The following GLI3 variants were observed in gnomAD, a reference collection of about 807,000 sequenced individuals.
The protein encoded by GLI3 is transcription activator GLI3.
Under a neutral mutation model 100.8 loss-of-function variants are expected in GLI3, and 20 were observed. The observed-to-expected ratio is 0.20, with a 90% CI of 0.14 to 0.29. The LOEUF is 0.29. Among genes scored for constraint, GLI3 ranks in the 10% least tolerant of loss-of-function variants. GLI3 has a pLI of 1.00. For missense variants in GLI3, 2,040 were observed against 2,128.5 expected (o/e 0.96, Z 0.82); for synonymous variants, 938 against 860.5 (o/e 1.09, Z -1.58).
chr7:42,024,518 A>T (rs747887122), intron 9 of GLI3, among the ~76,000 whole-genome samples: 1 of 152,220 alleles, frequency 6.6e-6, no homozygotes, highest in Non-Finnish European at 1.5e-5. Flanking sequence ...AAGCAGCCTG[A>T]TGACAGCAAG....
At position 42,230,110 on chromosome 7, in the gene GLI3, G is replaced by T. The variant is rs946369797; in HGVS notation, c.-42-6815C>A. 7.7e-5 allele frequency among the ~76,000 whole-genome samples: 7 copies of T among 90,606 alleles called. 1 individual carries two copies. Among genetic ancestry groups the T allele is most frequent in the South Asian group, 1.0e-3 (2 of 1,960 alleles). The allele number at this position is 90,606 out of a possible 152,430, so 59.4% of individuals were successfully genotyped here. A position where few individuals can be genotyped will look rare whatever the true frequency, so the allele number is the denominator to read the frequency against. ...TGCAAGGGTTGGGCGGGGGGGGGGG[G>T]GGTGGAAAGCCCAACTTCATAAGTT... On this transcript the variant is annotated intron_variant, in intron 1 of 14. Transcript: ENST00000395925.
At chr7:42,093,059 CT>C (rs1785260764) in intron 3 of GLI3, among the ~76,000 whole-genome samples, 1 of 152,046 alleles carries the variant, frequency 6.6e-6, no homozygotes, top group Non-Finnish European at 1.5e-5. Context: ...GGTGATCCAC[CT>C]GCCTCGGCCT....
intron 10 of GLI3, among the ~76,000 whole-genome samples, chr7:42,009,546 A>G (rs1583785229): frequency 7.3e-6 from 1 of 136,880 alleles, no homozygotes; most frequent in East Asian, 2.1e-4. Context: ...TGCCATTTGT[A>G]AGGAATTGCA....
chr7:42,190,582 G>A (rs755344446), intron 2 of GLI3, among the ~76,000 whole-genome samples: 3 of 152,130 alleles, frequency 2.0e-5, no homozygotes, highest in Non-Finnish European at 2.9e-5. Flanking sequence ...CCCTGGTAGC[G>A]TTGTGTGTGA....
chr7:41,966,597 G>A lies in GLI3; in HGVS notation c.2476C>T (p.Leu826Phe), dbSNP rs371207484. The part of the protein sequence containing the change: ...NTCSLGGPMT[L>F]LPGRSDLSGV... ...GAGAGGTCGCTTCTGCCCGGGAGAA[G>A]CGTCATGGGCCCACCCAAGCTGCAG... Residue 826 changes from leucine to phenylalanine, a missense_variant, in exon 15 of 15, where the codon CTT (leucine) becomes TTT (phenylalanine). By Grantham distance (22) the Leu-to-Phe change is conservative. Coordinates refer to ENST00000395925, the MANE Select transcript of GLI3 (RefSeq NM_000168.6). This position sits in a 1 kb window ranked among gnomAD's most constrained non-coding sequence, Gnocchi z 5.8. 3 of 1,613,992 alleles carry A rather than the reference G, an allele frequency of 1.9e-6. No homozygotes were observed. In the African/African-American group the frequency reaches 4.0e-5, roughly 22 times the overall value.
At chr7:42,205,554 T>C (rs1788132135) in intron 2 of GLI3, among the ~76,000 whole-genome samples, 1 of 152,152 alleles carries the variant, frequency 6.6e-6, no homozygotes, top group South Asian at 2.1e-4. Flanking sequence ...TGCAGCCCAC[T>C]GTAGAGAAGC....
rs546998635 is a variant in GLI3 at position 42,190,798 on chromosome 7, A to C, written c.124+32332T>G. Among the ~76,000 whole-genome samples the C allele has an allele frequency of 1.5e-3, 225 of 152,352 alleles. 4 individuals carry two copies. The highest frequency in any genetic ancestry group is 5.4e-3 in the African/African-American group (223 of 41,586). On this transcript the variant is annotated intron_variant, in intron 2 of 14. Coordinates refer to ENST00000395925, the MANE Select transcript of GLI3 (RefSeq NM_000168.6). ...ATACTAAGATACTAAATACAATACTAGCATATCAAGTTATACCAAAGTCTA... is the reference window on the plus strand; with the variant it reads ...ATACTAAGATACTAAATACAATACTCGCATATCAAGTTATACCAAAGTCTA...
intron 2 of GLI3, among the ~76,000 whole-genome samples, chr7:42,162,945 G>A (rs1787160188): frequency 6.7e-6 from 1 of 148,592 alleles, no homozygotes; most frequent in Non-Finnish European, 1.5e-5. Flanking sequence ...GAGTGGTCCA[G>A]GGGAAGGAGG....
At chr7:42,115,745 T>A (rs3801185) in intron 3 of GLI3, among the ~76,000 whole-genome samples, 1 of 151,852 alleles carries the variant, frequency 6.6e-6, no homozygotes, top group African/African-American at 2.4e-5. Context: ...GTGAGGTTAT[T>A]TTAAGGTGGT....
rs1784197270 is a variant in GLI3 at position 42,044,137 on chromosome 7, T to A, written c.826+1247A>T. ...TATGAAATAATCACCTTCTTTCTAG[T>A]CCGAGACTCAGGACTAAATAACTAG... On this transcript the variant is annotated intron_variant, in intron 6 of 14. Transcript: ENST00000395925. Among the ~76,000 whole-genome samples, 5 of 152,224 alleles carry A rather than the reference T, an allele frequency of 3.3e-5. No homozygotes were observed. The South Asian group carries it at 1.0e-3, about 32-fold the overall frequency.
rs369138305 is a variant in GLI3, at chr7:42,124,733, G to T, written c.367+23493C>A. On this transcript the variant is annotated intron_variant, in intron 3 of 14. Coordinates refer to ENST00000395925, the MANE Select transcript of GLI3 (RefSeq NM_000168.6). ...CTTTGTTCAACTAAAAATTCAAAGT[G>T]TCGGGACAAAGTTTATTTCTGAGAC... Among the ~76,000 whole-genome samples, 3 of 152,306 alleles carry T rather than the reference G, an allele frequency of 2.0e-5. No individual in the cohort carries two copies. The East Asian group carries it at 5.8e-4, about 29-fold the overall frequency.
At chr7:42,231,418 A>G (rs906457322) in intron 1 of GLI3, among the ~76,000 whole-genome samples, 3 of 152,168 alleles carry the variant, frequency 2.0e-5, no homozygotes, top group Non-Finnish European at 2.9e-5. Flanking sequence ...TACCCTATAA[A>G]CTTTGCTTGT....
intron 13 of GLI3, among the ~76,000 whole-genome samples, chr7:41,968,713 G>A (rs13311900): frequency 0.031 from 2,830 of 92,642 alleles, 64 homozygotes; most frequent in East Asian, 0.11. Context: ...AAGAAAGAAA[G>A]AAGAAAGAAA....
chr7:42,191,603 T>G (rs1039459123), intron 2 of GLI3, among the ~76,000 whole-genome samples: 4 of 151,256 alleles, frequency 2.6e-5, no homozygotes, highest in African/African-American at 9.7e-5. Context: ...GGTGCCGAGA[T>G]CACACCACTG....
intron 10 of GLI3, among the ~76,000 whole-genome samples, chr7:42,022,023 G>T (rs1788956765): frequency 6.6e-6 from 1 of 152,140 alleles, no homozygotes; most frequent in South Asian, 2.1e-4. Context: ...AATAACACTT[G>T]CATTAAATTA....
chr7:42,137,658 C>A (rs1046201172), intron 3 of GLI3, among the ~76,000 whole-genome samples: 4 of 152,170 alleles, frequency 2.6e-5, no homozygotes, highest in Non-Finnish European at 5.9e-5. Context: ...AGAGCACCAC[C>A]AGCTATAGGT....
chr7:42,257,663 A>G (rs1267115830), intron 1 of GLI3, among the ~76,000 whole-genome samples: 1 of 152,086 alleles, frequency 6.6e-6, no homozygotes, highest in Admixed American at 6.6e-5. Flanking sequence ...TTTTACTGTT[A>G]AAAATGCTGT....
At chr7:42,164,129 C>G (rs1164093263) in intron 2 of GLI3, among the ~76,000 whole-genome samples, 1 of 152,106 alleles carries the variant, frequency 6.6e-6, no homozygotes, top group Non-Finnish European at 1.5e-5. Flanking sequence ...AAAAAATAAT[C>G]ACTAGGACAC....
upstream of GLI3, among the ~76,000 whole-genome samples, chr7:42,238,148 G>T (rs1435028212): frequency 6.6e-6 from 1 of 151,506 alleles, no homozygotes; most frequent in African/African-American, 2.4e-5. Context: ...CACCCACCCG[G>T]CGAGGGGAAG....
Sources: allele counts gnomAD v4.1 joint callset (sites outside exome capture counted in the v4.1 genomes callset), GRCh38; gene constraint gnomAD v4.1.1; non-coding constraint Gnocchi (gnomAD v3.1); transcripts MANE v1.5; gene names NCBI Gene and HGNC (gene_info 2026-07-23, HGNC 2026-07-21).